Variants in MOXD1 observed in about 807,000 individuals in gnomAD.
The protein encoded by MOXD1 is DBH-like monooxygenase protein 1.
MOXD1 carries 62 observed loss-of-function variants against 66.6 expected under a neutral mutation model. The observed-to-expected ratio is 0.93, with a 90% CI of 0.76 to 1.15. The LOEUF (loss-of-function observed/expected upper bound fraction) is 1.15. Ranked by LOEUF, MOXD1 falls within the 50% of genes most tolerant of loss-of-function variation. The pLI is 0.00. For synonymous variants in MOXD1, 303 were observed against 281.9 expected, an observed-to-expected ratio of 1.07 and a Z score of -0.75; for missense variants, 847 against 754.6, an observed-to-expected ratio of 1.12 and a Z score of -1.44.
At chr6:132,338,593 C>T (rs1041625499) in intron 4 of MOXD1, among the ~76,000 whole-genome samples, 1 of 152,182 alleles carries the variant, frequency 6.6e-6, no homozygotes, top group Non-Finnish European at 1.5e-5. Flanking sequence ...ACCAGCCAAC[C>T]CCCGACCCAG....
intron 4 of MOXD1, among the ~76,000 whole-genome samples, chr6:132,328,887 A>C (rs2114584803): frequency 6.6e-6 from 1 of 152,106 alleles, no homozygotes; most frequent in South Asian, 2.1e-4. Context: ...TCCTTTGCCC[A>C]TTCTGCAGAG....
intron 10 of MOXD1, among the ~76,000 whole-genome samples, chr6:132,309,774 T>G (rs1371291941): frequency 6.6e-6 from 1 of 152,206 alleles, no homozygotes; most frequent in Non-Finnish European, 1.5e-5. Context: ...ATTAACTAAA[T>G]GGTGCTGGGA....
intron 1 of MOXD1, among the ~76,000 whole-genome samples, chr6:132,392,557 C>T (rs1776789610): frequency 6.6e-6 from 1 of 152,112 alleles, no homozygotes; most frequent in Non-Finnish European, 1.5e-5. Context: ...GACATGAATC[C>T]ATCAGGGCAA....
chr6:132,342,869 A>G (rs546984650), intron 4 of MOXD1, among the ~76,000 whole-genome samples: 1 of 152,320 alleles, frequency 6.6e-6, no homozygotes, highest in East Asian at 1.9e-4. Flanking sequence ...AATACATCAA[A>G]GGGGTGAGTA....
chr6:132,316,112 GATTTA>G (rs1354728275), intron 9 of MOXD1, among the ~76,000 whole-genome samples: 2 of 152,102 alleles, frequency 1.3e-5, no homozygotes, highest in African/African-American at 4.8e-5. Flanking sequence ...AAATTTTTCT[GATTTA>G]ATTGAATTTT....
chr6:132,359,549 C>A (rs11966044), intron 4 of MOXD1, among the ~76,000 whole-genome samples: 28,133 of 146,944 alleles, frequency 0.19, 2,745 homozygotes, highest in South Asian at 0.28. Flanking sequence ...TGCAGTGGCG[C>A]GATCTCGGCT....
chr6:132,320,116 T>G (rs1287176142), intron 9 of MOXD1, among the ~76,000 whole-genome samples: 2 of 152,318 alleles, frequency 1.3e-5, no homozygotes, highest in East Asian at 3.9e-4. Context: ...AACTACATTT[T>G]ATGACTTGGT....
intron 4 of MOXD1, among the ~76,000 whole-genome samples, chr6:132,333,425 A>G (rs1484017822): frequency 6.6e-6 from 1 of 151,720 alleles, no homozygotes; most frequent in Non-Finnish European, 1.5e-5. Flanking sequence ...TCACACATTC[A>G]CATTATTATC....
At chr6:132,333,431 T>G (rs1775369072) in intron 4 of MOXD1, among the ~76,000 whole-genome samples, 1 of 151,706 alleles carries the variant, frequency 6.6e-6, no homozygotes, top group Non-Finnish European at 1.5e-5. Flanking sequence ...ATTCACATTA[T>G]TATCACAATC....
Position 132,384,241 on chromosome 6 carries a change from T to TCTTC in MOXD1, c.265-9468_265-9465dup, listed in dbSNP as rs149111930. On this transcript the variant is annotated intron_variant, in intron 1 of 11. Transcript: ENST00000367963. ...TTCCTCCTTCCTTCCTCCCTCCCTCTCTTCCTTCCTTCCTTCCTTCCTTCC... is the reference window on the plus strand; with the variant it reads ...TTCCTCCTTCCTTCCTCCCTCCCTCTCTTCCTTCCTTCCTTCCTTCCTTCCTTCC... Among the ~76,000 whole-genome samples the TCTTC allele has an allele frequency of 4.2e-3, 475 of 112,462 alleles. 4 individuals carry two copies. The highest frequency in any genetic ancestry group is 0.013 in the African/African-American group (386 of 29,108). 73.8% of individuals were successfully genotyped at this position (112,462 alleles called of 152,430 possible). A position where few individuals can be genotyped will look rare whatever the true frequency, so the allele number is the denominator to read the frequency against.
At chr6:132,354,152 G>T (rs1034150007) in intron 4 of MOXD1, among the ~76,000 whole-genome samples, 8 of 152,086 alleles carry the variant, frequency 5.3e-5, no homozygotes, top group Non-Finnish European at 1.0e-4. Context: ...TCTTCTTCAG[G>T]TTAATCAGGG....
chr6:132,384,267 TTCCTTCCTTCCTTCCTTCCTTCC>T (rs398049023), intron 1 of MOXD1, among the ~76,000 whole-genome samples: 2 of 118,566 alleles, frequency 1.7e-5, no homozygotes, highest in African/African-American at 6.3e-5. Flanking sequence ...CCTTCCTTCC[TTCCTTCCTTCCTTCCTTCCTTCC>T]TCCTTCCTTC....
At chr6:132,371,671 C>T (rs1776264806) in intron 4 of MOXD1, among the ~76,000 whole-genome samples, 1 of 152,014 alleles carries the variant, frequency 6.6e-6, no homozygotes, top group South Asian at 2.1e-4. Flanking sequence ...ACAGCATTAC[C>T]CCAGAGTGAC....
intron 4 of MOXD1, among the ~76,000 whole-genome samples, chr6:132,348,113 C>T (rs1285491088): frequency 6.6e-6 from 1 of 152,158 alleles, no homozygotes; most frequent in African/African-American, 2.4e-5. Context: ...ACTGAACTCA[C>T]TTTTTCAAAG....
chr6:132,369,701 G>A (rs746064945), intron 4 of MOXD1, among the ~76,000 whole-genome samples: 5 of 152,082 alleles, frequency 3.3e-5, no homozygotes, highest in Non-Finnish European at 7.4e-5. Context: ...GTGACTAACG[G>A]ATGGGCAGCG....
intron 8 of MOXD1, 91 bp downstream of exon 8, chr6:132,322,588 T>A: frequency 7.7e-7 from 1 of 1,292,598 alleles, no homozygotes; most frequent in Non-Finnish European, 1.1e-6. Flanking sequence ...AAGGAAAAAT[T>A]CATTTCACTA....
At chr6:132,373,450 C>G (rs1169915372) in intron 2 of MOXD1, among the ~76,000 whole-genome samples, 2 of 152,174 alleles carry the variant, frequency 1.3e-5, no homozygotes, top group Non-Finnish European at 2.9e-5. Context: ...AATACTTTTC[C>G]TTTTACAGTA....
In MOXD1 at chr6:132,350,427, T is replaced by C. The variant is rs192344383; in HGVS notation, c.664-21833A>G. ...CTTTGTTTGCTTTGTCGAAGAACAG[T>C]TGGCTGTAAGTATTTGGGTTTATTT... On this transcript the variant is annotated intron_variant, in intron 4 of 11. Coordinates refer to ENST00000367963, the MANE Select transcript of MOXD1 (RefSeq NM_015529.4). 3.9e-3 allele frequency among the ~76,000 whole-genome samples: 589 copies of C among 152,266 alleles called. 3 individuals are homozygous for C. The highest frequency in any genetic ancestry group is 0.034 in the Middle Eastern group (10 of 294).
chr6:132,328,958 CT>C (rs1418847858), intron 4 of MOXD1, among the ~76,000 whole-genome samples: 3 of 151,894 alleles, frequency 2.0e-5, no homozygotes, highest in South Asian at 2.1e-4. Context: ...CTGCCTCTCA[CT>C]TTTTTTTAAA....
Sources: allele counts gnomAD v4.1 joint callset (sites outside exome capture counted in the v4.1 genomes callset), GRCh38; gene constraint gnomAD v4.1.1; transcripts MANE v1.5; gene names NCBI Gene and HGNC (gene_info 2026-07-23, HGNC 2026-07-21).